FADS2: variants seen among roughly 807,000 people sequenced by gnomAD.
FADS2 encodes the protein fatty acid desaturase 2, also known as acyl-CoA 6-desaturase.
In FADS2, 18 loss-of-function variants were observed where a neutral mutation model predicts 61.2. That is an observed-to-expected ratio of 0.29 (90% CI 0.20 to 0.44). FADS2 has a LOEUF of 0.44. Among genes scored for constraint, FADS2 ranks in the 20% least tolerant of loss-of-function variants. The pLI is 1.00. For missense variants in FADS2, 322 were observed against 572.7 expected, an observed-to-expected ratio of 0.56 and a Z score of 4.47; for synonymous variants, 203 against 223.9, an observed-to-expected ratio of 0.91 and a Z score of 0.83.
chr11:61,850,391 C>T (rs1157704715), intron 5 of FADS2, among the ~76,000 whole-genome samples: 1 of 152,160 alleles, frequency 6.6e-6, no homozygotes, highest in African/African-American at 2.4e-5. Flanking sequence ...GATGGGATTA[C>T]AGGTGCACAC....
At chr11:61,834,766 G>A (rs2067156940) in intron 1 of FADS2, among the ~76,000 whole-genome samples, 1 of 152,164 alleles carries the variant, frequency 6.6e-6, no homozygotes, top group South Asian at 2.1e-4. Context: ...AGGCCGTGGT[G>A]TGATGTGAGG....
intron 1 of FADS2, among the ~76,000 whole-genome samples, chr11:61,820,788 A>G (rs1286306893): frequency 6.6e-6 from 1 of 151,926 alleles, no homozygotes; most frequent in East Asian, 1.9e-4. Flanking sequence ...AATCCCAGCT[A>G]CTTTGTGGGG....
In FADS2 at chr11:61,852,701, T is replaced by C. The variant is rs556071864; in HGVS notation, c.745-4310T>C. On this transcript the variant is annotated intron_variant, in intron 5 of 11. Coordinates refer to ENST00000278840, the MANE Select transcript of FADS2 (RefSeq NM_004265.4). The stretch of plus-strand genomic sequence containing the variant: ...TATTGGGGTAGTTATCTTAATTTTC[T>C]TTTTTTTCTAAATTTTTGTTTGCAT... Among the ~76,000 whole-genome samples, 53 of 152,226 alleles carry C rather than the reference T, an allele frequency of 3.5e-4. 1 individual carries two copies. In the South Asian group the frequency reaches 7.7e-3, roughly 22 times the overall value.
At chr11:61,833,965 G>A (rs998674825) in intron 1 of FADS2, among the ~76,000 whole-genome samples, 1 of 152,222 alleles carries the variant, frequency 6.6e-6, no homozygotes, top group African/African-American at 2.4e-5. Context: ...CCCAACTGGG[G>A]TTTATGCTCC....
chr11:61,821,373 C>G (rs1481644182), intron 1 of FADS2: 1 of 700,766 alleles, frequency 1.4e-6, no homozygotes, highest in African/African-American at 1.8e-5. Context: ...ACCATTTTCT[C>G]TCTAAAGAAA....
At position 61,816,970 on chromosome 11, in the gene FADS2, C is replaced by T; in HGVS notation, c.141+544C>T. 3 of 1,368,720 alleles carry T rather than the reference C, an allele frequency of 2.2e-6. No individual in the cohort carries two copies. The highest frequency in any genetic ancestry group is 2.8e-6 in the Non-Finnish European group (3 of 1,068,948). 84.8% of individuals were successfully genotyped at this position (1,368,720 alleles called of 1,614,324 possible). A position where few individuals can be genotyped will look rare whatever the true frequency, so the allele number is the denominator to read the frequency against. ...GCGCGGGGAGCGAGATCCCGTCCCC[C>T]GGTGGGTCTTGGGCAACTCACAGCT... On this transcript the variant is annotated intron_variant, in intron 1 of 11. Coordinates refer to the FADS2 transcript ENST00000257261. The surrounding 1 kb of genome is among the most constrained non-coding windows in gnomAD (Gnocchi z 7.0).
rs1473002047 is a variant in FADS2 at position 61,840,774 on chromosome 11, A to T, written c.618+49A>T. 6.5e-6 allele frequency: 9 copies of T among 1,387,902 alleles called. No homozygotes were observed. The South Asian group carries it at 1.0e-4, about 16-fold the overall frequency. The allele number at this position is 1,387,902 out of a possible 1,614,324, so 86.0% of individuals were successfully genotyped here. On this transcript the variant is annotated intron_variant, in intron 4 of 11. Coordinates refer to ENST00000278840, the MANE Select transcript of FADS2 (RefSeq NM_004265.4). ...TCTGTCCTGTTGGACAGCAGTTGAG[A>T]CAGAGGGACCAGGATTCCTCTCTGC... is the stretch of plus-strand genomic sequence containing the variant.
chr11:61,824,213 C>T (rs1282432349), upstream of FADS2, among the ~76,000 whole-genome samples: 1 of 151,670 alleles, frequency 6.6e-6, no homozygotes, highest in African/African-American at 2.4e-5. Context: ...GAAACCCTGT[C>T]TCTACTAAAA....
At position 61,837,888 on chromosome 11, in the gene FADS2, C is replaced by T. The variant is rs144799113; in HGVS notation, c.318C>T (p.Asn106=). 3.1e-5 allele frequency: 50 copies of T among 1,610,110 alleles called. No homozygotes were observed. The highest frequency in any genetic ancestry group is 1.3e-4 in the East Asian group (6 of 44,802). The change falls in exon 2 of 12, where the codon AAC becomes AAT. Residue 106 remains asparagine (N), a splice_region_variant and synonymous_variant. Coordinates refer to ENST00000278840, the MANE Select transcript of FADS2 (RefSeq NM_004265.4). Reference sequence around the variant, plus strand: ...AGCCCAGCCAGGACCACGGCAAGAACGTAAGTCTGGCTTGCAACCTGGGTG... The same window carrying T: ...AGCCCAGCCAGGACCACGGCAAGAATGTAAGTCTGGCTTGCAACCTGGGTG... The part of the protein sequence containing the change: ...PEEPSQDHGK[N]SKITEDFRAL...
chr11:61,853,171 CAACAACAACAA>C (rs1272948190), intron 5 of FADS2, among the ~76,000 whole-genome samples: 3 of 151,136 alleles, frequency 2.0e-5, no homozygotes, highest in African/African-American at 7.4e-5. Context: ...ACAACAACAA[CAACAACAACAA>C]AACAAAACAA....
At chr11:61,835,112 C>T (rs2067161777) in intron 1 of FADS2, among the ~76,000 whole-genome samples, 1 of 151,966 alleles carries the variant, frequency 6.6e-6, no homozygotes, top group African/African-American at 2.4e-5. Flanking sequence ...TCTCTTTTCC[C>T]TGAAAATACT....
chr11:61,838,717 C>T (rs2067194902), intron 2 of FADS2, among the ~76,000 whole-genome samples: 1 of 152,098 alleles, frequency 6.6e-6, no homozygotes, highest in Admixed American at 6.5e-5. Flanking sequence ...AGGCCAATGC[C>T]CCTCCTCTCA....
At chr11:61,837,982 T>C in intron 2 of FADS2, 94 bp downstream of exon 2, 1 of 863,896 alleles carries the variant, frequency 1.2e-6, no homozygotes, top group Non-Finnish European at 1.9e-6. Context: ...GACCAGTAAC[T>C]GGGGCTGAGG....
At chr11:61,862,877 G>T in intron 7 of FADS2, 95 bp from the exon 8 acceptor site, 1 of 949,522 alleles carries the variant, frequency 1.1e-6, no homozygotes, top group East Asian at 2.4e-5. Flanking sequence ...AGCTTCTAGA[G>T]GCCTGAGTGT....
chr11:61,849,100 A>G (rs576708712), intron 5 of FADS2, among the ~76,000 whole-genome samples: 1 of 152,104 alleles, frequency 6.6e-6, no homozygotes, highest in South Asian at 2.1e-4. Flanking sequence ...GGGTTTCACC[A>G]TGGCCAGGCT....
upstream of FADS2, chr11:61,828,281 A>C (rs1026954086): frequency 4.1e-6 from 6 of 1,461,828 alleles, no homozygotes; most frequent in African/African-American, 7.1e-5. The surrounding 1 kb of genome is among the most constrained non-coding windows in gnomAD (Gnocchi z 6.4). Flanking sequence ...CAAAAGCCGA[A>C]AGCGAAGAGG....
intron 10 of FADS2, 158 bp downstream of exon 10, chr11:61,863,944 G>A: frequency 1.6e-6 from 1 of 633,726 alleles, no homozygotes; most frequent in Non-Finnish European, 2.9e-6. Flanking sequence ...CCCCGCTGAG[G>A]TCAGGAGAGG....
intron 4 of FADS2, among the ~76,000 whole-genome samples, chr11:61,844,620 T>C (rs1054728657): frequency 1.2e-4 from 18 of 150,598 alleles, no homozygotes; most frequent in Admixed American, 1.2e-3. Context: ...AACTCAGCAA[T>C]TCTTTCCATT....
intron 1 of FADS2, among the ~76,000 whole-genome samples, chr11:61,833,714 T>C (rs2135956625): frequency 6.6e-6 from 1 of 152,344 alleles, no homozygotes; most frequent in African/African-American, 2.4e-5. Context: ...AGGTGGCAGC[T>C]GTAGCAACCA....
Sources: allele counts gnomAD v4.1 joint callset (sites outside exome capture counted in the v4.1 genomes callset), GRCh38; gene constraint gnomAD v4.1.1; non-coding constraint Gnocchi (gnomAD v3.1); transcripts MANE v1.5; gene names NCBI Gene and HGNC (gene_info 2026-07-23, HGNC 2026-07-21).